Variants in RPS6KA2 observed in about 807,000 individuals in gnomAD.
RPS6KA2 encodes ribosomal protein S6 kinase A2, also known as ribosomal protein S6 kinase alpha-2.
RPS6KA2 carries 42 observed loss-of-function variants against 91.8 expected under a neutral mutation model. The observed-to-expected ratio is 0.46, with a 90% confidence interval of 0.36 to 0.59. The LOEUF is 0.59. RPS6KA2 is among the 20% of genes least tolerant of loss of function. The pLI, the probability that RPS6KA2 is intolerant of heterozygous loss-of-function variation, is 0.00. For synonymous variants in RPS6KA2, 414 were observed against 393.6 expected, an observed-to-expected ratio of 1.05 and a Z score of -0.61; for missense variants, 798 against 978.5, an observed-to-expected ratio of 0.82 and a Z score of 2.46.
chr6:166,674,827 C>A (rs951010965), intron 2 of RPS6KA2, among the ~76,000 whole-genome samples: 2 of 152,134 alleles, frequency 1.3e-5, no homozygotes, highest in Non-Finnish European at 2.9e-5. Flanking sequence ...TGCCACCACG[C>A]CCAGCTAATT....
At position 166,676,317 on chromosome 6, in the gene RPS6KA2, C is replaced by CAAAA. The variant is rs34321063; in HGVS notation, c.124-137537_124-137534dup. The stretch of plus-strand genomic sequence containing the variant: ...ATGCAACAGACTTAAGACTCTGTCT[C>CAAAA]AAAAAAAAAAAAAAAAAATGTCCTG... On this transcript the variant is annotated intron_variant, in intron 2 of 21. Transcript: ENST00000503859. Among the ~76,000 whole-genome samples the CAAAA allele has an allele frequency of 4.1e-3, 517 of 127,380 alleles. 2 individuals are homozygous for CAAAA. The highest frequency in any genetic ancestry group is 0.014 in the African/African-American group (495 of 35,228). The allele number at this position is 127,380 out of a possible 152,430, so 83.6% of individuals were successfully genotyped here. A position where few individuals can be genotyped will look rare whatever the true frequency, so the allele number is the denominator to read the frequency against.
At chr6:166,710,275 T>C (rs1054788772) in intron 2 of RPS6KA2, among the ~76,000 whole-genome samples, 15 of 152,224 alleles carry the variant, frequency 9.9e-5, no homozygotes, top group African/African-American at 3.6e-4. Flanking sequence ...AGTCATAATC[T>C]CTACAGCATG....
At chr6:166,598,702 T>TGA (rs1785627516) in intron 1 of RPS6KA2, among the ~76,000 whole-genome samples, 9 of 152,246 alleles carry the variant, frequency 5.9e-5, no homozygotes, top group Admixed American at 5.9e-4. Flanking sequence ...GGAAGCCTGT[T>TGA]TTCTCTGAGA....
intron 2 of RPS6KA2, among the ~76,000 whole-genome samples, chr6:166,681,659 A>G (rs1421416104): frequency 7.7e-5 from 11 of 142,640 alleles, no homozygotes; most frequent in African/African-American, 3.0e-4. Context: ...AGCTCACAGG[A>G]CCAGGCCTCT....
chr6:166,605,300 T>G (rs1785907628), intron 1 of RPS6KA2, among the ~76,000 whole-genome samples: 1 of 152,184 alleles, frequency 6.6e-6, no homozygotes, highest in Non-Finnish European at 1.5e-5. Context: ...GCATTTACAA[T>G]AATTTCAAGA....
At chr6:166,747,436 G>A (rs1002457274) in intron 2 of RPS6KA2, among the ~76,000 whole-genome samples, 1 of 152,220 alleles carries the variant, frequency 6.6e-6, no homozygotes, top group Admixed American at 6.5e-5. Flanking sequence ...ACACCTTAGA[G>A]GCTATTTCAA....
Position 166,603,397 on chromosome 6 carries a change from G to A in RPS6KA2, c.99+23524C>T, listed in dbSNP as rs908853763. 6.6e-5 allele frequency among the ~76,000 whole-genome samples: 10 copies of A among 152,206 alleles called. No homozygotes were observed. The highest frequency in any genetic ancestry group is 1.5e-4 in the Non-Finnish European group (10 of 68,040). On this transcript the variant is annotated intron_variant, in intron 1 of 20. Transcript: ENST00000265678. The surrounding 1 kb of genome is among the most constrained non-coding windows in gnomAD (Gnocchi z 4.3). Reference sequence around the variant, plus strand: ...TGCGTGGGGTGGGGCAGAGCTCTGGGAGGCCGAGTGGTGACTTCCTCCAGT... The same window carrying A: ...TGCGTGGGGTGGGGCAGAGCTCTGGAAGGCCGAGTGGTGACTTCCTCCAGT...
chr6:166,646,771 C>G (rs1168413934), intron 2 of RPS6KA2, among the ~76,000 whole-genome samples: 1 of 152,224 alleles, frequency 6.6e-6, no homozygotes, highest in African/African-American at 2.4e-5. Context: ...TTTGTCCTCA[C>G]CCCTTTTGAA....
rs569583074 is a variant in RPS6KA2, at chr6:166,734,908, A to G, written c.123+123292T>C. 2.6e-5 allele frequency among the ~76,000 whole-genome samples: 4 copies of G among 152,378 alleles called. No individual in the cohort carries two copies. The South Asian group carries it at 6.2e-4, about 24-fold the overall frequency. On this transcript the variant is annotated intron_variant, in intron 2 of 21. Transcript: ENST00000503859. Reference sequence around the variant, plus strand: ...GAATGAGAAAATATCACAGATTTTGAAAGTTCCTATCCTCTTGTTATGGCA... The same window carrying G: ...GAATGAGAAAATATCACAGATTTTGGAAGTTCCTATCCTCTTGTTATGGCA...
chr6:166,441,226 G>A (rs758858865), intron 14 of RPS6KA2, among the ~76,000 whole-genome samples: 11 of 152,128 alleles, frequency 7.2e-5, no homozygotes, highest in Non-Finnish European at 1.5e-4. Context: ...CTCTGTGCCT[G>A]TGAACGCTCC....
chr6:166,415,925 A>C (rs1583101891), intron 19 of RPS6KA2, among the ~76,000 whole-genome samples: 1 of 123,278 alleles, frequency 8.1e-6, no homozygotes, highest in African/African-American at 3.2e-5. Flanking sequence ...TTCCTCCATC[A>C]CCCCCACCAT....
chr6:166,575,923 G>A (rs1415863648), intron 1 of RPS6KA2, among the ~76,000 whole-genome samples: 2 of 152,186 alleles, frequency 1.3e-5, no homozygotes, highest in African/African-American at 4.8e-5. Flanking sequence ...TTGGTTCTGT[G>A]TCCCCACCCA....
At chr6:166,428,114 C>A (rs892168791) in intron 16 of RPS6KA2, among the ~76,000 whole-genome samples, 1 of 151,958 alleles carries the variant, frequency 6.6e-6, no homozygotes, top group African/African-American at 2.4e-5. Flanking sequence ...AGATATAGAT[C>A]AATGGAACAG....
chr6:166,430,171 T>C (rs1210982972), intron 16 of RPS6KA2, among the ~76,000 whole-genome samples: 1 of 151,948 alleles, frequency 6.6e-6, no homozygotes, highest in Non-Finnish European at 1.5e-5. Context: ...GGTTTCACCA[T>C]GTTGGCTAGG....
At chr6:166,721,951 C>T (rs924132534) in intron 2 of RPS6KA2, among the ~76,000 whole-genome samples, 1 of 152,174 alleles carries the variant, frequency 6.6e-6, no homozygotes, top group African/African-American at 2.4e-5. Flanking sequence ...ACCATTTGTG[C>T]AAAATGTTTA....
Position 166,500,778 on chromosome 6 carries a change from T to C in RPS6KA2, c.604+109A>G. The C allele has an allele frequency of 1.0e-6, 1 of 993,136 alleles. No homozygotes were observed. The highest frequency in any genetic ancestry group is 1.6e-6 in the Non-Finnish European group (1 of 636,284). The allele number at this position is 993,136 out of a possible 1,614,324, so 61.5% of individuals were successfully genotyped here. On this transcript the variant is annotated intron_variant, in intron 7 of 20. Coordinates refer to ENST00000265678, the MANE Select transcript of RPS6KA2 (RefSeq NM_021135.6). This position sits in a 1 kb window ranked among gnomAD's most constrained non-coding sequence, Gnocchi z 4.3. ...TTCTGCCAAATCAGAGACAAGCATC[T>C]GGCAAAGGGAAGGGCGGTGTAAATA...
intron 1 of RPS6KA2, among the ~76,000 whole-genome samples, chr6:166,615,599 CA>C (rs1786377404): frequency 6.6e-6 from 1 of 152,200 alleles, no homozygotes; most frequent in South Asian, 2.1e-4. Flanking sequence ...CTGCGGCGCA[CA>C]GGCCAACGGT....
chr6:166,749,990 G>C (rs1356726137), intron 2 of RPS6KA2, among the ~76,000 whole-genome samples: 1 of 151,996 alleles, frequency 6.6e-6, no homozygotes, highest in Non-Finnish European at 1.5e-5. Flanking sequence ...AGCATCGGAA[G>C]CAGAGCTGGC....
At chr6:166,716,863 G>C (rs918183588) in intron 2 of RPS6KA2, among the ~76,000 whole-genome samples, 1 of 150,944 alleles carries the variant, frequency 6.6e-6, no homozygotes, top group Non-Finnish European at 1.5e-5. Context: ...AAAACTTTCG[G>C]ATGTCAAAAC....
Sources: gnomAD v4.1 joint callset for allele counts (sites outside exome capture counted in the v4.1 genomes callset) on GRCh38, gnomAD v4.1.1 for gene constraint, Gnocchi (gnomAD v3.1) non-coding constraint, MANE v1.5 for transcripts, NCBI Gene and HGNC (gene_info 2026-07-23, HGNC 2026-07-21) for gene names.